The following ANKRD44 variants were observed in gnomAD, a reference collection of about 807,000 sequenced individuals.
The protein encoded by ANKRD44 is serine/threonine-protein phosphatase 6 regulatory ankyrin repeat subunit B.
In ANKRD44, 35 loss-of-function variants were observed where a neutral mutation model predicts 116.0. That is an observed-to-expected ratio of 0.30 (90% CI 0.23 to 0.40). The LOEUF (loss-of-function observed/expected upper bound fraction) is 0.40. Among genes scored for constraint, ANKRD44 ranks in the 10% least tolerant of loss-of-function variants. ANKRD44 has a pLI of 1.00. For synonymous variants in ANKRD44, 435 were observed against 461.8 expected, an observed-to-expected ratio of 0.94 and a Z score of 0.74; for missense variants, 1,014 against 1,242.6, an observed-to-expected ratio of 0.82 and a Z score of 2.77.
At chr2:197,150,350 C>T (rs2079612328) in intron 2 of ANKRD44, among the ~76,000 whole-genome samples, 1 of 152,102 alleles carries the variant, frequency 6.6e-6, no homozygotes, top group African/African-American at 2.4e-5. Context: ...AGATTGAGAC[C>T]ATCCTGGCTA....
chr2:197,030,907 C>A (rs1368728005), intron 16 of ANKRD44, among the ~76,000 whole-genome samples: 1 of 151,950 alleles, frequency 6.6e-6, no homozygotes, highest in African/African-American at 2.4e-5. Flanking sequence ...AAACTCTAGG[C>A]TCAAGCAGTC....
intron 1 of ANKRD44, among the ~76,000 whole-genome samples, chr2:197,269,344 T>G (rs1023914130): frequency 6.6e-6 from 1 of 152,186 alleles, no homozygotes; most frequent in African/African-American, 2.4e-5. Flanking sequence ...AGAAGCACTC[T>G]ACTCATAACC....
chr2:197,074,474 C>T (rs946762304), intron 16 of ANKRD44, among the ~76,000 whole-genome samples: 3 of 152,006 alleles, frequency 2.0e-5, no homozygotes, highest in African/African-American at 7.2e-5. Flanking sequence ...AATGTAAGTC[C>T]ATATTATTTT....
At chr2:197,090,521 CT>C (rs2078020027) in intron 10 of ANKRD44, among the ~76,000 whole-genome samples, 1 of 140,106 alleles carries the variant, frequency 7.1e-6, no homozygotes, top group Admixed American at 7.5e-5. Context: ...GAGACAGAGT[CT>C]CACCTGTCAC....
chr2:197,016,201 T>C (rs2076389879), intron 17 of ANKRD44, among the ~76,000 whole-genome samples: 2 of 152,222 alleles, frequency 1.3e-5, no homozygotes, highest in South Asian at 2.1e-4. Context: ...TGTGCAGGAC[T>C]GTCACAGCCA....
chr2:197,099,320 T>C (rs1030167074), intron 10 of ANKRD44, among the ~76,000 whole-genome samples: 1 of 152,200 alleles, frequency 6.6e-6, no homozygotes, highest in Non-Finnish European at 1.5e-5. Flanking sequence ...TTACATCTTC[T>C]GAAATCTCCC....
intron 1 of ANKRD44, among the ~76,000 whole-genome samples, chr2:197,251,631 T>C (rs1055807224): frequency 2.0e-5 from 3 of 152,250 alleles, no homozygotes; most frequent in African/African-American, 7.2e-5. Context: ...TGCAAGTATT[T>C]CCTCCTTTGA....
chr2:197,297,503 C>T (rs2083758195), intron 1 of ANKRD44, among the ~76,000 whole-genome samples: 1 of 152,182 alleles, frequency 6.6e-6, no homozygotes, highest in South Asian at 2.1e-4. Flanking sequence ...GGACCACCTG[C>T]TATACAAAGA....
intron 9 of ANKRD44, among the ~76,000 whole-genome samples, chr2:197,108,458 A>C (rs917655577): frequency 6.6e-6 from 1 of 152,194 alleles, no homozygotes; most frequent in Non-Finnish European, 1.5e-5. Context: ...TGCCAGGACA[A>C]CCAAGAATGA....
At chr2:197,298,713 T>C (rs895700694) in intron 1 of ANKRD44, among the ~76,000 whole-genome samples, 5 of 151,976 alleles carry the variant, frequency 3.3e-5, no homozygotes, top group Non-Finnish European at 7.4e-5. Flanking sequence ...ATTCCAGGAG[T>C]TCGAGACCAG....
At chr2:197,103,214 T>C (rs867908630) in intron 9 of ANKRD44, among the ~76,000 whole-genome samples, 6 of 122,436 alleles carry the variant, frequency 4.9e-5, no homozygotes, top group East Asian at 2.4e-4. Flanking sequence ...GGCGACAGAG[T>C]GAGACTCCAT....
chr2:197,161,979 C>T (rs1164162825), intron 2 of ANKRD44, among the ~76,000 whole-genome samples: 1 of 152,190 alleles, frequency 6.6e-6, no homozygotes, highest in Non-Finnish European at 1.5e-5. Context: ...TCACACCATG[C>T]TACGGTCTCG....
At chr2:197,130,443 T>A (rs1382996631) in intron 4 of ANKRD44, among the ~76,000 whole-genome samples, 1 of 152,174 alleles carries the variant, frequency 6.6e-6, no homozygotes, top group East Asian at 1.9e-4. Context: ...GTTCTCGAAG[T>A]GTGGCATGTA....
At chr2:197,146,243 G>A (rs1450387617) in intron 3 of ANKRD44, among the ~76,000 whole-genome samples, 1 of 152,154 alleles carries the variant, frequency 6.6e-6, no homozygotes, top group Non-Finnish European at 1.5e-5. Flanking sequence ...TTTACAGAGA[G>A]TTGTAGTAGT....
Position 196,988,035 on chromosome 2 carries a change from TCATTTC to T in ANKRD44, c.*1550_*1555del. 1 of 985,404 alleles carries T rather than the reference TCATTTC, an allele frequency of 1.0e-6. No individual in the cohort carries two copies. The highest frequency in any genetic ancestry group is 4.7e-5 in the South Asian group (1 of 21,290). The allele number at this position is 985,404 out of a possible 1,614,324, so 61.0% of individuals were successfully genotyped here. On this transcript the variant is annotated 3_prime_UTR_variant, in exon 28 of 28. Transcript: ENST00000282272. ...TGAACAGTTCATTGTGAGCATGATT[TCATTTC>T]GTTCCTTTGTCCTCCTTCTATGAGT...
chr2:197,122,149 GT>G lies in ANKRD44; in HGVS notation c.693+500del, dbSNP rs577580499. ...CTGGATGCCTGGTTTCCTCATTATGGTTTTCCATAATGATGCAACTTGGTTT... is the reference window on the plus strand; with the variant it reads ...CTGGATGCCTGGTTTCCTCATTATGGTTTCCATAATGATGCAACTTGGTTT... On this transcript the variant is annotated intron_variant, in intron 7 of 27. Transcript: ENST00000282272. Among the ~76,000 whole-genome samples the G allele has an allele frequency of 6.5e-3, 984 of 152,208 alleles. 8 individuals carry two copies. The highest frequency in any genetic ancestry group is 9.9e-3 in the Non-Finnish European group (670 of 68,018).
rs547930289 is a variant in ANKRD44, at chr2:196,971,718, TG to T, written c.2369-4273del. Among the ~76,000 whole-genome samples the T allele has an allele frequency of 2.0e-3, 306 of 152,220 alleles. 1 individual carries two copies. Among genetic ancestry groups the T allele is most frequent in the Non-Finnish European group, 3.8e-3 (256 of 68,004 alleles). The stretch of plus-strand genomic sequence containing the variant: ...TGGCTAGCAGTAAAACTCTTAGACC[TG>T]GGCCCCCTGCTAGTAAAACTCTTAG... On this transcript the variant is annotated intron_variant, in intron 21 of 21. Transcript: ENST00000424317.
At chr2:197,078,969 T>TTGTGTGTGTGTGTGTGTG (rs59690082) in intron 15 of ANKRD44, among the ~76,000 whole-genome samples, 155 bp from the exon 16 acceptor site, 1 of 147,114 alleles carries the variant, frequency 6.8e-6, no homozygotes, top group Non-Finnish European at 1.5e-5. Flanking sequence ...GTGTTGAAAA[T>TTGTGTGTGTGTGTGTGTG]TGTGTGTGTG....
At chr2:197,296,005 C>T (rs1403479708) in intron 1 of ANKRD44, among the ~76,000 whole-genome samples, 1 of 152,002 alleles carries the variant, frequency 6.6e-6, no homozygotes, top group Non-Finnish European at 1.5e-5. Flanking sequence ...GATGGCACCA[C>T]TGCACTCCAG....
Sources: gnomAD v4.1 joint callset for allele counts (sites outside exome capture counted in the v4.1 genomes callset) on GRCh38, gnomAD v4.1.1 for gene constraint, MANE v1.5 for transcripts, NCBI Gene and HGNC (gene_info 2026-07-23, HGNC 2026-07-21) for gene names.